FBXL17: variants seen among roughly 807,000 people sequenced by gnomAD.
FBXL17 encodes the protein F-box/LRR-repeat protein 17.
A neutral mutation model predicts 66.2 loss-of-function variants in FBXL17; 22 were observed. The ratio of observed to expected loss-of-function variants is 0.33; its 90% CI spans 0.24 to 0.47. The LOEUF (loss-of-function observed/expected upper bound fraction) is 0.47, where lower values mean the gene tolerates loss of function less well. Ranked by LOEUF, FBXL17 falls within the 20% of genes least tolerant of loss-of-function variation. The pLI is 1.00. For missense variants in FBXL17, 878 were observed against 948.2 expected (o/e 0.93, Z 0.97); for synonymous variants, 474 against 400.5 (o/e 1.18, Z -2.19).
chr5:108,340,056 A>G (rs1746776846), intron 4 of FBXL17, among the ~76,000 whole-genome samples: 1 of 151,880 alleles, frequency 6.6e-6, no homozygotes, highest in South Asian at 2.1e-4. Context: ...ATACACATTC[A>G]TTCTTTATTG....
At chr5:108,276,304 C>T (rs911577495) in intron 4 of FBXL17, among the ~76,000 whole-genome samples, 2 of 152,128 alleles carry the variant, frequency 1.3e-5, no homozygotes, top group Non-Finnish European at 2.9e-5. Flanking sequence ...CCTTGATGAT[C>T]TACACAACAT....
intron 7 of FBXL17, among the ~76,000 whole-genome samples, chr5:107,893,643 TTTTA>T (rs1282632899): frequency 1.3e-5 from 2 of 152,178 alleles, no homozygotes; most frequent in East Asian, 1.9e-4. Context: ...TGCTGTCTTC[TTTTA>T]TTTTTTTATT....
At position 108,203,303 on chromosome 5, in the gene FBXL17, C is replaced by T. The variant is rs566785766; in HGVS notation, c.1615-17056G>A. 6.6e-5 allele frequency among the ~76,000 whole-genome samples: 10 copies of T among 151,904 alleles called. No homozygotes were observed. The South Asian group carries it at 2.1e-3, about 32-fold the overall frequency. On this transcript the variant is annotated intron_variant, in intron 5 of 8. Coordinates refer to ENST00000542267, the MANE Select transcript of FBXL17 (RefSeq NM_001163315.3). The stretch of plus-strand genomic sequence containing the variant: ...TCTTTTACAGATGAGGAAACTGAGG[C>T]AGAGAGATTAGGTGATTTGTCCTAG...
intron 6 of FBXL17, among the ~76,000 whole-genome samples, chr5:108,167,794 GAAAT>G (rs1316804377): frequency 1.3e-5 from 2 of 152,046 alleles, no homozygotes; most frequent in Non-Finnish European, 1.5e-5. Flanking sequence ...TATTAAAGGG[GAAAT>G]AAATAACCTG....
chr5:108,062,255 T>A (rs1747953092), intron 6 of FBXL17, among the ~76,000 whole-genome samples: 1 of 152,058 alleles, frequency 6.6e-6, no homozygotes, highest in South Asian at 2.1e-4. Flanking sequence ...GACCTTTTCA[T>A]TTGCTCTTCC....
At chr5:108,117,331 A>G (rs986226386) in intron 6 of FBXL17, among the ~76,000 whole-genome samples, 9 of 152,218 alleles carry the variant, frequency 5.9e-5, no homozygotes, top group Non-Finnish European at 4.4e-5. Context: ...GCAATTAATC[A>G]AGTTTGAAAA....
chr5:107,866,624 TA>T (rs1221671522), intron 8 of FBXL17, among the ~76,000 whole-genome samples: 1 of 152,220 alleles, frequency 6.6e-6, no homozygotes, highest in Non-Finnish European at 1.5e-5. Flanking sequence ...CAGATAAGTG[TA>T]AACCCAGGCC....
intron 7 of FBXL17, among the ~76,000 whole-genome samples, chr5:107,932,809 C>A (rs1750776172): frequency 6.6e-6 from 1 of 152,104 alleles, no homozygotes; most frequent in South Asian, 2.1e-4. Flanking sequence ...ATTTTAGAAT[C>A]CAAATTACTT....
intron 8 of FBXL17, among the ~76,000 whole-genome samples, chr5:107,877,316 G>A (rs1748643964): frequency 6.6e-6 from 1 of 152,150 alleles, no homozygotes; most frequent in Non-Finnish European, 1.5e-5. Flanking sequence ...GCCCTTGTTT[G>A]ACAATCCAAG....
intron 4 of FBXL17, among the ~76,000 whole-genome samples, chr5:108,254,360 C>A (rs1419189639): frequency 6.6e-6 from 1 of 152,154 alleles, no homozygotes. Context: ...AAAGCAACTG[C>A]AAATTTCTAA....
intron 6 of FBXL17, among the ~76,000 whole-genome samples, chr5:108,134,495 C>T (rs749990986): frequency 6.6e-6 from 1 of 151,900 alleles, no homozygotes; most frequent in Non-Finnish European, 1.5e-5. Flanking sequence ...CATAAAAATC[C>T]AACAAATTTT....
intron 5 of FBXL17, among the ~76,000 whole-genome samples, chr5:108,213,469 A>G (rs1201153860): frequency 2.0e-5 from 3 of 152,218 alleles, no homozygotes; most frequent in African/African-American, 7.2e-5. Flanking sequence ...TGCAAAGACC[A>G]TGGGACAAGC....
intron 2 of FBXL17, 74 bp downstream of exon 2, chr5:108,367,757 A>C: frequency 1.5e-6 from 2 of 1,301,516 alleles, no homozygotes; most frequent in Non-Finnish European, 2.1e-6. Context: ...AGAAGACAGT[A>C]AAGATTTCTG....
chr5:108,268,364 T>C (rs60212774), intron 4 of FBXL17, among the ~76,000 whole-genome samples: 7,588 of 152,114 alleles, frequency 0.05, 632 homozygotes, highest in African/African-American at 0.17. Context: ...CTTTTTACTT[T>C]CGAAGCATTT....
chr5:108,209,921 C>T (rs1196926718), intron 5 of FBXL17, among the ~76,000 whole-genome samples: 1 of 152,148 alleles, frequency 6.6e-6, no homozygotes, highest in Non-Finnish European at 1.5e-5. Flanking sequence ...TAGAATGCTG[C>T]TGTGAATCCG....
chr5:107,982,849 C>T (rs1752877369), intron 7 of FBXL17, among the ~76,000 whole-genome samples: 1 of 152,114 alleles, frequency 6.6e-6, no homozygotes, highest in Non-Finnish European at 1.5e-5. Context: ...AGATTGGAAA[C>T]AAAAGGAGTG....
intron 8 of FBXL17, among the ~76,000 whole-genome samples, chr5:107,866,253 G>A (rs1748268815): frequency 6.6e-6 from 1 of 151,972 alleles, no homozygotes; most frequent in Non-Finnish European, 1.5e-5. Flanking sequence ...AAATTACTGT[G>A]ATTAAAGGGG....
chr5:108,196,216 A>AAAAAC (rs749101793), intron 5 of FBXL17, among the ~76,000 whole-genome samples: 3 of 150,674 alleles, frequency 2.0e-5, no homozygotes, highest in Non-Finnish European at 4.4e-5. Flanking sequence ...CAATTCTTTA[A>AAAAAC]AAAACAAAAC....
intron 4 of FBXL17, chr5:108,298,715 T>A: frequency 1.3e-6 from 1 of 763,970 alleles, no homozygotes; most frequent in Non-Finnish European, 1.6e-6. Flanking sequence ...ATCAAAGTCT[T>A]ATAATTCCTA....
Sources: gnomAD v4.1 joint callset for allele counts (sites outside exome capture counted in the v4.1 genomes callset) on GRCh38, gnomAD v4.1.1 for gene constraint, MANE v1.5 for transcripts, NCBI Gene and HGNC (gene_info 2026-07-23, HGNC 2026-07-21) for gene names.